The following KCND2 variants were observed in gnomAD, a reference collection of about 807,000 sequenced individuals.
KCND2 encodes the protein A-type voltage-gated potassium channel KCND2.
In KCND2, 16 loss-of-function variants were observed where a neutral mutation model predicts 54.4. The ratio of observed to expected loss-of-function variants is 0.29; its 90% CI spans 0.20 to 0.45. The LOEUF (loss-of-function observed/expected upper bound fraction) is 0.45, where lower values mean the gene tolerates loss of function less well. Ranked by LOEUF, KCND2 falls within the 20% of genes least tolerant of loss-of-function variation. KCND2 has a pLI of 1.00. For missense variants in KCND2, 486 were observed against 824.2 expected, an observed-to-expected ratio of 0.59 and a Z score of 5.02; for synonymous variants, 317 against 310.7, an observed-to-expected ratio of 1.02 and a Z score of -0.21.
chr7:120,342,524 T>A (rs969530390), intron 1 of KCND2, among the ~76,000 whole-genome samples: 11 of 152,198 alleles, frequency 7.2e-5, no homozygotes, highest in Non-Finnish European at 1.2e-4. Context: ...GTTTTTGGAC[T>A]CTCAAAGATT....
intron 1 of KCND2, among the ~76,000 whole-genome samples, chr7:120,335,536 G>C (rs917704840): frequency 4.6e-5 from 7 of 150,696 alleles, no homozygotes; most frequent in African/African-American, 1.5e-4. Context: ...GCCCAGGCTG[G>C]AGTGCAGTGG....
intron 1 of KCND2, among the ~76,000 whole-genome samples, chr7:120,628,920 T>C (rs1431053952): frequency 1.3e-5 from 2 of 152,200 alleles, no homozygotes; most frequent in African/African-American, 2.4e-5. Context: ...GAAACCACAG[T>C]GAAAAGGCAA....
rs1184857907 is a variant in KCND2 at position 120,274,545 on chromosome 7, T to A, written c.-88T>A. 6.7e-7 allele frequency: 1 copy of A among 1,486,902 alleles called. No homozygotes were observed. The highest frequency in any genetic ancestry group is 1.4e-5 in the African/African-American group (1 of 72,422). The allele number at this position is 1,486,902 out of a possible 1,614,324, so 92.1% of individuals were successfully genotyped here. A position where few individuals can be genotyped will look rare whatever the true frequency, so the allele number is the denominator to read the frequency against. ...ACCACGTTTCTCACTAGTACTTTGC[T>A]TGACTGGAGGAAGTGGGTGACTTTT... On this transcript the variant is annotated 5_prime_UTR_variant, in exon 1 of 6. It adds an upstream start codon to the 5' untranslated region. Transcript: ENST00000331113.
chr7:120,613,055 G>T (rs1030088445), intron 1 of KCND2, among the ~76,000 whole-genome samples: 2 of 150,256 alleles, frequency 1.3e-5, no homozygotes, highest in Admixed American at 6.7e-5. Context: ...TCAGTATTTT[G>T]TGTAGTAGCA....
intron 1 of KCND2, among the ~76,000 whole-genome samples, chr7:120,533,576 G>A (rs802374): frequency 0.066 from 10,113 of 152,078 alleles, 889 homozygotes; most frequent in East Asian, 0.45. Flanking sequence ...ATGATAATAT[G>A]TTTGTGGACT....
intron 1 of KCND2, among the ~76,000 whole-genome samples, chr7:120,605,241 G>T (rs1055394196): frequency 6.6e-6 from 1 of 151,880 alleles, no homozygotes; most frequent in Admixed American, 6.6e-5. Flanking sequence ...TCTCCCCCAA[G>T]CCCCTGTCAA....
chr7:120,660,625 T>C (rs554344486), intron 1 of KCND2, among the ~76,000 whole-genome samples: 2 of 152,328 alleles, frequency 1.3e-5, no homozygotes, highest in African/African-American at 4.8e-5. Flanking sequence ...TGCACATCAT[T>C]ATATGAATTA....
At chr7:120,463,035 G>A (rs191123282) in intron 1 of KCND2, among the ~76,000 whole-genome samples, 13 of 152,124 alleles carry the variant, frequency 8.5e-5, no homozygotes, top group Non-Finnish European at 1.5e-4. Context: ...ATCTCAAAGC[G>A]TAGTATAACA....
intron 1 of KCND2, among the ~76,000 whole-genome samples, chr7:120,514,746 A>G (rs1479407122): frequency 6.6e-6 from 1 of 152,080 alleles, no homozygotes; most frequent in Non-Finnish European, 1.5e-5. Context: ...GTTCCACCTC[A>G]GATCATCAGG....
chr7:120,719,154 T>C (rs538970872), intron 1 of KCND2, among the ~76,000 whole-genome samples: 69 of 152,304 alleles, frequency 4.5e-4, no homozygotes, highest in African/African-American at 1.6e-3. Context: ...CCATTTACTT[T>C]AACTTATTTT....
At chr7:120,293,648 T>C (rs1799469362) in intron 1 of KCND2, among the ~76,000 whole-genome samples, 1 of 151,942 alleles carries the variant, frequency 6.6e-6, no homozygotes, top group African/African-American at 2.4e-5. Context: ...ATTATCATCG[T>C]TATCACAGAA....
chr7:120,391,920 A>C (rs1801085775), intron 1 of KCND2, among the ~76,000 whole-genome samples: 1 of 152,020 alleles, frequency 6.6e-6, no homozygotes, highest in African/African-American at 2.4e-5. Context: ...CTTTAGTTTA[A>C]TTAGATCTCA....
At chr7:120,722,701 G>C (rs1202787327) in intron 1 of KCND2, among the ~76,000 whole-genome samples, 2 of 152,160 alleles carry the variant, frequency 1.3e-5, no homozygotes, top group African/African-American at 2.4e-5. Context: ...ACCTCTAATA[G>C]CTAATGGATT....
chr7:120,522,189 G>A (rs1303706886), intron 1 of KCND2, among the ~76,000 whole-genome samples: 1 of 152,084 alleles, frequency 6.6e-6, no homozygotes, highest in African/African-American at 2.4e-5. Flanking sequence ...TCCTCATCCT[G>A]TTGGCAGGAA....
chr7:120,379,836 A>G (rs1800889472), intron 1 of KCND2, among the ~76,000 whole-genome samples: 1 of 152,048 alleles, frequency 6.6e-6, no homozygotes, highest in South Asian at 2.1e-4. Context: ...AAGGCACCTC[A>G]GATTACTGAG....
chr7:120,304,061 T>C (rs1412684481), intron 1 of KCND2, among the ~76,000 whole-genome samples: 2 of 152,126 alleles, frequency 1.3e-5, no homozygotes, highest in Non-Finnish European at 2.9e-5. Context: ...GACCAAATTA[T>C]ACTTGTACCA....
chr7:120,634,953 A>G (rs1299977957), intron 1 of KCND2, among the ~76,000 whole-genome samples: 1 of 152,294 alleles, frequency 6.6e-6, no homozygotes, highest in South Asian at 2.1e-4. Flanking sequence ...TCTCAGCTAC[A>G]TCATGCTGTT....
At chr7:120,283,278 G>A (rs941431094) in intron 1 of KCND2, among the ~76,000 whole-genome samples, 4 of 152,150 alleles carry the variant, frequency 2.6e-5, no homozygotes, top group Non-Finnish European at 5.9e-5. Context: ...ACTAGACTAT[G>A]TAGGATATGA....
chr7:120,520,632 C>T (rs528440357), intron 1 of KCND2, among the ~76,000 whole-genome samples: 2 of 151,998 alleles, frequency 1.3e-5, no homozygotes, highest in Admixed American at 1.3e-4. Context: ...AATGGATACA[C>T]CTGAGTGAAG....
Sources: allele counts gnomAD v4.1 joint callset (sites outside exome capture counted in the v4.1 genomes callset), GRCh38; gene constraint gnomAD v4.1.1; transcripts MANE v1.5; gene names NCBI Gene and HGNC (gene_info 2026-07-23, HGNC 2026-07-21).